The following SERPINB12 variants were observed in gnomAD, a reference collection of about 807,000 sequenced individuals.
SERPINB12 encodes serpin B12.
SERPINB12 carries 57 observed loss-of-function variants against 41.1 expected under a neutral mutation model. That is an observed-to-expected ratio of 1.39 (90% CI 1.12 to 1.73). The LOEUF (loss-of-function observed/expected upper bound fraction) is 1.73. SERPINB12 is among the 40% of genes most tolerant of loss of function. The pLI is 0.00. For synonymous variants in SERPINB12, 180 were observed against 181.3 expected, an observed-to-expected ratio of 0.99 and a Z score of 0.06; for missense variants, 536 against 501.9, an observed-to-expected ratio of 1.07 and a Z score of -0.65.
In SERPINB12 at chr18:63,566,646, A is replaced by G; in HGVS notation, c.913A>G (p.Ser305Gly). 6.2e-7 allele frequency: 1 copy of G among 1,613,140 alleles called. No individual in the cohort carries two copies. The highest frequency in any genetic ancestry group is 8.5e-7 in the Non-Finnish European group (1 of 1,179,832). The part of the protein sequence containing the change: ...KITYEKMVAW[S>G]SSENMSEESV... ...CACCTATGAAAAAATGGTGGCCTGG[A>G]GCAGCTCAGAAAACATGTCAGAAGA... Residue 305 changes from serine (S) to glycine (G), a missense_variant, in exon 8 of 8, where the codon AGC becomes GGC. Coordinates refer to ENST00000382768, the MANE Select transcript of SERPINB12 (RefSeq NM_001307928.2).
chr18:63,544,413 C>T (rs900723999), intron 1 of SERPINB12, among the ~76,000 whole-genome samples: 1 of 152,146 alleles, frequency 6.6e-6, no homozygotes, highest in Non-Finnish European at 1.5e-5. Flanking sequence ...GTTGTAAACA[C>T]ATAAGAGCTT....
chr18:63,559,732 G>A lies in SERPINB12; in HGVS notation c.444+14G>A, dbSNP rs760042933. On this transcript the variant is annotated intron_variant, in intron 4 of 7. Transcript: ENST00000382768. ...CCAATCTGTCAGGTGAGTTGCACAC[G>A]AATGGTGACTAAAGCTACCATGTAG... 5.0e-6 allele frequency: 8 copies of A among 1,613,494 alleles called. No individual in the cohort carries two copies. The highest frequency in any genetic ancestry group is 4.5e-5 in the East Asian group (2 of 44,868).
intron 5 of SERPINB12, among the ~76,000 whole-genome samples, chr18:63,562,101 A>G (rs1910930422): frequency 6.6e-6 from 1 of 152,188 alleles, no homozygotes; most frequent in Non-Finnish European, 1.5e-5. Context: ...TTATTATTGC[A>G]GTTTTGGTCT....
the SERPINB12 span, among the ~76,000 whole-genome samples, chr18:63,526,039 T>C: frequency 6.6e-6 from 1 of 152,246 alleles, no homozygotes; most frequent in African/African-American, 2.4e-5. Context: ...AAAAAATGTA[T>C]GCTGATAATT....
intron 2 of SERPINB12, among the ~76,000 whole-genome samples, chr18:63,557,367 C>T (rs895607737): frequency 6.6e-6 from 1 of 152,172 alleles, no homozygotes; most frequent in African/African-American, 2.4e-5. Context: ...CTTTTGTAGG[C>T]ACCTAATAAA....
rs1014490106 is a variant in SERPINB12 at position 63,568,645 on chromosome 18, G to A, written c.*1634G>A. ...TCTTTCCTATCGAGGTGGGTTTCAGGTCTTGCTTGCGGCTCAGTTTCCTTG... is the reference window on the plus strand; with the variant it reads ...TCTTTCCTATCGAGGTGGGTTTCAGATCTTGCTTGCGGCTCAGTTTCCTTG... On this transcript the variant is annotated 3_prime_UTR_variant, in exon 8 of 8. Coordinates refer to ENST00000382768, the MANE Select transcript of SERPINB12 (RefSeq NM_001307928.2). Among the ~76,000 whole-genome samples the A allele has an allele frequency of 3.3e-5, 5 of 152,138 alleles. No homozygotes were observed. Among genetic ancestry groups the A allele is most frequent in the African/African-American group, 1.2e-4 (5 of 41,418 alleles).
At chr18:63,539,309 G>A (rs1910229872), upstream of SERPINB12, among the ~76,000 whole-genome samples, 4 of 152,128 alleles carry the variant, frequency 2.6e-5, no homozygotes, top group Admixed American at 2.6e-4. Context: ...CTAAAAGTGT[G>A]CTAAAGAAAA....
chr18:63,553,648 G>A (rs1411696256), intron 1 of SERPINB12, among the ~76,000 whole-genome samples: 2 of 152,132 alleles, frequency 1.3e-5, no homozygotes, highest in East Asian at 3.9e-4. Flanking sequence ...CCTTCGAGCT[G>A]AAGATTTTGA....
chr18:63,562,371 G>T (rs755809927), intron 5 of SERPINB12, among the ~76,000 whole-genome samples: 10 of 152,210 alleles, frequency 6.6e-5, no homozygotes, highest in Non-Finnish European at 1.0e-4. Context: ...GTGCATGAGA[G>T]AGCACAGGTA....
chr18:63,529,381 A>C, the SERPINB12 span, among the ~76,000 whole-genome samples: 1 of 152,176 alleles, frequency 6.6e-6, no homozygotes, highest in East Asian at 1.9e-4. Context: ...CTGTATGCAC[A>C]GCTGTGGTTT....
chr18:63,538,859 T>C (rs979472500), upstream of SERPINB12, among the ~76,000 whole-genome samples: 2 of 152,212 alleles, frequency 1.3e-5, no homozygotes, highest in African/African-American at 4.8e-5. Flanking sequence ...GACTTGTTAT[T>C]GTCTGTTTTT....
the SERPINB12 span, among the ~76,000 whole-genome samples, chr18:63,534,017 C>T: frequency 1.3e-5 from 2 of 152,286 alleles, no homozygotes; most frequent in South Asian, 4.1e-4. Context: ...AAACACTGCT[C>T]TGGGTAGAGT....
chr18:63,568,474 T>C lies in SERPINB12; in HGVS notation c.*1463T>C, dbSNP rs1377900042. The stretch of plus-strand genomic sequence containing the variant: ...GGGCTCATCTCAAGCTCTAGTCTAC[T>C]GAAGGCCTGACCTCTGAGTGTTCCT... On this transcript the variant is annotated 3_prime_UTR_variant, in exon 8 of 8. Coordinates refer to ENST00000382768, the MANE Select transcript of SERPINB12 (RefSeq NM_001307928.2). Among the ~76,000 whole-genome samples the C allele has an allele frequency of 2.0e-5, 3 of 152,220 alleles. No individual in the cohort carries two copies. Among genetic ancestry groups the C allele is most frequent in the Non-Finnish European group, 4.4e-5 (3 of 68,038 alleles).
chr18:63,539,552 A>G (rs770483957), upstream of SERPINB12, among the ~76,000 whole-genome samples: 1 of 152,036 alleles, frequency 6.6e-6, no homozygotes, highest in Non-Finnish European at 1.5e-5. Context: ...CTCTCAATTT[A>G]TCAATCTATT....
chr18:63,548,978 G>T (rs888588793), intron 1 of SERPINB12, among the ~76,000 whole-genome samples: 3 of 151,998 alleles, frequency 2.0e-5, no homozygotes, highest in African/African-American at 2.4e-5. Flanking sequence ...GTTTATCGTA[G>T]AATTATTCAT....
At chr18:63,528,392 C>CAAAAAATAAATA in the SERPINB12 span, among the ~76,000 whole-genome samples, 1 of 144,882 alleles carries the variant, frequency 6.9e-6, no homozygotes, top group Non-Finnish European at 1.5e-5. Context: ...TCTCTGAGAG[C>CAAAAAATAAATA]AATAAATAAA....
the SERPINB12 span, among the ~76,000 whole-genome samples, chr18:63,529,748 G>A: frequency 6.6e-6 from 1 of 152,032 alleles, no homozygotes; most frequent in African/African-American, 2.4e-5. Flanking sequence ...GTTTAAACCA[G>A]TGAAACGTAA....
intron 1 of SERPINB12, among the ~76,000 whole-genome samples, chr18:63,548,637 C>A (rs1339023289): frequency 1.3e-5 from 2 of 151,646 alleles, no homozygotes; most frequent in Non-Finnish European, 2.9e-5. Flanking sequence ...ATGATCAAGA[C>A]CTCAATAGAT....
chr18:63,528,489 C>T, the SERPINB12 span, among the ~76,000 whole-genome samples: 1 of 152,030 alleles, frequency 6.6e-6, no homozygotes, highest in Non-Finnish European at 1.5e-5. Flanking sequence ...GTGGATACTG[C>T]CCTAGTGTCT....
Sources: gnomAD v4.1 joint callset for allele counts (sites outside exome capture counted in the v4.1 genomes callset) on GRCh38, gnomAD v4.1.1 for gene constraint, MANE v1.5 for transcripts, NCBI Gene and HGNC (gene_info 2026-07-23, HGNC 2026-07-21) for gene names.